Variants in RYR2 observed in about 807,000 individuals in gnomAD.
The protein encoded by RYR2 is ryanodine receptor 2, also known as cardiac muscle ryanodine receptor-calcium release channel.
A neutral mutation model predicts 601.1 loss-of-function variants in RYR2; 227 were observed. The ratio of observed to expected loss-of-function variants is 0.38; its 90% CI spans 0.34 to 0.42. The LOEUF is 0.42. RYR2 is among the 10% of genes least tolerant of loss of function. The pLI, the probability that RYR2 is intolerant of heterozygous loss-of-function variation, is 1.00. For synonymous variants in RYR2, 2,223 were observed against 2,175.1 expected, an observed-to-expected ratio of 1.02 and a Z score of -0.61; for missense variants, 4,646 against 6,156.5, an observed-to-expected ratio of 0.75 and a Z score of 8.21.
chr1:237,164,358 G>C (rs1237861470), intron 1 of RYR2, among the ~76,000 whole-genome samples: 2 of 152,202 alleles, frequency 1.3e-5, no homozygotes, highest in African/African-American at 4.8e-5. Context: ...GCTCAGAAAT[G>C]CTACTGTCGG....
chr1:237,607,665 A>C (rs1677296386), intron 35 of RYR2, among the ~76,000 whole-genome samples: 1 of 152,234 alleles, frequency 6.6e-6, no homozygotes, highest in Admixed American at 6.5e-5. Flanking sequence ...AGAATGAATG[A>C]TTGATTTAAA....
intron 28 of RYR2, 34 bp downstream of exon 28, chr1:237,566,809 A>G: frequency 2.5e-6 from 4 of 1,610,134 alleles, no homozygotes; most frequent in Non-Finnish European, 3.4e-6. Flanking sequence ...AGTCATCTGT[A>G]CGTGCTGGAG....
At chr1:237,782,301 C>T (rs973536914) in intron 89 of RYR2, among the ~76,000 whole-genome samples, 1 of 151,158 alleles carries the variant, frequency 6.6e-6, no homozygotes, top group Non-Finnish European at 1.5e-5. Flanking sequence ...GACCCTTGGA[C>T]AAGCTACATC....
chr1:237,526,439 G>A (rs1461890155), intron 24 of RYR2, among the ~76,000 whole-genome samples: 2 of 151,492 alleles, frequency 1.3e-5, no homozygotes, highest in African/African-American at 4.9e-5. Context: ...CTTGATTTCC[G>A]AGACTCAGGC....
intron 80 of RYR2, among the ~76,000 whole-genome samples, chr1:237,748,690 C>G (rs1024462740): frequency 7.2e-5 from 11 of 152,148 alleles, no homozygotes; most frequent in African/African-American, 4.8e-5. Flanking sequence ...GCACAACCCT[C>G]TATATTGTAT....
At chr1:237,267,591 G>C in intron 1 of RYR2, 1 of 310,112 alleles carries the variant, frequency 3.2e-6, no homozygotes, top group South Asian at 2.3e-5. Context: ...ATATTTTCTG[G>C]GTCCCTTTCT....
intron 3 of RYR2, among the ~76,000 whole-genome samples, chr1:237,344,748 A>G (rs1432291132): frequency 2.0e-5 from 3 of 152,156 alleles, no homozygotes; most frequent in African/African-American, 7.2e-5. Flanking sequence ...TTCAATGTCC[A>G]TTCTTTAACC....
rs567291225 is a variant in RYR2 at position 237,391,564 on chromosome 1, T to G, written c.773+3381T>G. 7.9e-5 allele frequency among the ~76,000 whole-genome samples: 12 copies of G among 152,288 alleles called. No homozygotes were observed. In the South Asian group the frequency reaches 1.7e-3, roughly 21 times the overall value. ...TTACTTCTGAGTGATTTAGGAATAG[T>G]CTGGTCATAAATGCTGTGTTTCTAC... On this transcript the variant is annotated intron_variant, in intron 10 of 104. Coordinates refer to ENST00000366574, the MANE Select transcript of RYR2 (RefSeq NM_001035.3).
chr1:237,677,035 A>G lies in RYR2; in HGVS notation c.8831-1013A>G, dbSNP rs563014154. On this transcript the variant is annotated intron_variant, in intron 60 of 104. Coordinates refer to ENST00000366574, the MANE Select transcript of RYR2 (RefSeq NM_001035.3). ...AAATTTGCAAGTGTTAAAAAACCAT[A>G]ATTTTCTTTTACTTGTTCATGGGGA... 7.9e-5 allele frequency among the ~76,000 whole-genome samples: 12 copies of G among 152,206 alleles called. No homozygotes were observed. The South Asian group carries it at 2.5e-3, about 32-fold the overall frequency.
intron 23 of RYR2, among the ~76,000 whole-genome samples, chr1:237,508,734 CTTTTTTTTTTTT>C (rs869044432): frequency 3.9e-5 from 3 of 77,642 alleles, no homozygotes; most frequent in African/African-American, 1.3e-4. Context: ...TTCGGGTTTT[CTTTTTTTTTTTT>C]TTTTTTTTTT....
chr1:237,105,504 C>T (rs1440222269), intron 1 of RYR2, among the ~76,000 whole-genome samples: 2 of 152,022 alleles, frequency 1.3e-5, no homozygotes, highest in Non-Finnish European at 2.9e-5. Flanking sequence ...TGAGACCAGC[C>T]TGGCCAACAT....
chr1:237,599,904 ATAAATT>A (rs1676313717), intron 34 of RYR2, among the ~76,000 whole-genome samples: 1 of 152,024 alleles, frequency 6.6e-6, no homozygotes, highest in East Asian at 1.9e-4. Context: ...CATTGGTGAA[ATAAATT>A]TAAGAGGACA....
rs775556108 is a variant in RYR2 at position 237,550,723 on chromosome 1, T to G, written c.3214+32T>G. Reference sequence around the variant, plus strand: ...TGGTTTTACTTTCCTCTTCTTCGGTTGCAAGATGATGTAGTAGTTCTTTAA... The same window carrying G: ...TGGTTTTACTTTCCTCTTCTTCGGTGGCAAGATGATGTAGTAGTTCTTTAA... On this transcript the variant is annotated intron_variant, in intron 27 of 104. Transcript: ENST00000366574. 4 of 1,532,490 alleles carry G rather than the reference T, an allele frequency of 2.6e-6. No homozygotes were observed. In the South Asian group the frequency reaches 4.9e-5, roughly 19 times the overall value. 94.9% of individuals were successfully genotyped at this position (1,532,490 alleles called of 1,614,324 possible). A position where few individuals can be genotyped will look rare whatever the true frequency, so the allele number is the denominator to read the frequency against.
At chr1:237,270,660 C>T (rs1176072601) in intron 2 of RYR2, 44 bp downstream of exon 2, 3 of 1,550,388 alleles carry the variant, frequency 1.9e-6, no homozygotes, top group South Asian at 1.2e-5. Flanking sequence ...GCAAGTTTTA[C>T]TAGTGGCATT....
intron 3 of RYR2, among the ~76,000 whole-genome samples, chr1:237,341,357 T>G (rs1006497204): frequency 6.6e-6 from 1 of 152,226 alleles, no homozygotes; most frequent in African/African-American, 2.4e-5. Context: ...ACATTTTTCT[T>G]TTTTGAGATA....
At chr1:237,275,905 A>G (rs1690237290) in intron 2 of RYR2, among the ~76,000 whole-genome samples, 3 of 152,178 alleles carry the variant, frequency 2.0e-5, no homozygotes, top group Admixed American at 2.0e-4. Flanking sequence ...CTAAAAAATA[A>G]AAACCACACA....
intron 17 of RYR2, among the ~76,000 whole-genome samples, chr1:237,486,159 C>T (rs745426337): frequency 6.6e-6 from 1 of 152,148 alleles, no homozygotes; most frequent in African/African-American, 2.4e-5. Context: ...ATGAGAGAAG[C>T]AATTTTACAT....
At chr1:237,241,494 A>T (rs1025099265) in intron 1 of RYR2, among the ~76,000 whole-genome samples, 1 of 152,184 alleles carries the variant, frequency 6.6e-6, no homozygotes, top group Admixed American at 6.5e-5. Context: ...GTAAATCTCA[A>T]AATTGGGGTT....
intron 1 of RYR2, among the ~76,000 whole-genome samples, chr1:237,124,290 C>A (rs1005093334): frequency 6.6e-6 from 1 of 152,174 alleles, no homozygotes; most frequent in Non-Finnish European, 1.5e-5. Flanking sequence ...TAACATCTCA[C>A]CGAGTGCGGG....
Sources: allele counts gnomAD v4.1 joint callset (sites outside exome capture counted in the v4.1 genomes callset), GRCh38; gene constraint gnomAD v4.1.1; transcripts MANE v1.5; gene names NCBI Gene and HGNC (gene_info 2026-07-23, HGNC 2026-07-21).